The following COQ2 variants were observed in gnomAD, a reference collection of about 807,000 sequenced individuals.
COQ2 encodes coenzyme Q2, polyprenyltransferase.
In COQ2, 25 loss-of-function variants were observed where a neutral mutation model predicts 35.7. That is an observed-to-expected ratio of 0.70 (90% CI 0.51 to 0.98). COQ2 has a LOEUF of 0.98. COQ2 is among the 50% of genes least tolerant of loss of function. The pLI is 0.00. For synonymous variants in COQ2, 206 were observed against 186.2 expected (o/e 1.11, Z -0.86); for missense variants, 488 against 473.5 (o/e 1.03, Z -0.28).
At chr4:83,284,238 G>A (rs1169335873) in intron 1 of COQ2, 3 of 985,366 alleles carry the variant, frequency 3.0e-6, no homozygotes, top group East Asian at 1.1e-4. Flanking sequence ...ACGTGAAACT[G>A]GCGGGTCCTT....
At position 83,284,532 on chromosome 4, in the gene COQ2, A is replaced by T. The variant is rs531492140; in HGVS notation, c.233T>A (p.Met78Lys). Residue 78 changes from methionine (M) to lysine (K), a missense_variant, in exon 1 of 7, where the codon ATG (methionine) becomes AAG (lysine). Coordinates refer to ENST00000647002, the MANE Select transcript of COQ2 (RefSeq NM_001358921.2). The part of the protein sequence containing the change: ...PRPLQPYLRL[M>K]RLDKPIGTWL... ...CTCACCAATGGGCTTGTCCAACCGC[A>T]TGAGGCGCAAGTACGGCTGCAGGGG... 1 of 1,576,176 alleles carries T rather than the reference A, an allele frequency of 6.3e-7. No homozygotes were observed. The highest frequency in any genetic ancestry group is 8.6e-7 in the Non-Finnish European group (1 of 1,162,734).
intron 6 of COQ2, among the ~76,000 whole-genome samples, chr4:83,265,543 C>G (rs1268686314): frequency 6.6e-6 from 1 of 151,974 alleles, no homozygotes; most frequent in Admixed American, 6.5e-5. Context: ...CCACTTCACT[C>G]CAGCCTGGGT....
intron 1 of COQ2, among the ~76,000 whole-genome samples, chr4:83,281,115 T>C (rs1403110640): frequency 2.0e-5 from 3 of 152,170 alleles, no homozygotes; most frequent in African/African-American, 7.2e-5. Flanking sequence ...GTACTGTTAA[T>C]AACCCTATCT....
At chr4:83,272,917 G>A (rs1218035769) in intron 3 of COQ2, among the ~76,000 whole-genome samples, 1 of 152,260 alleles carries the variant, frequency 6.6e-6, no homozygotes, top group African/African-American at 2.4e-5. Flanking sequence ...GGCAAGGCAC[G>A]CAATTAAGTC....
chr4:83,284,413 T>C, intron 1 of COQ2, 99 bp downstream of exon 1: 1 of 1,438,898 alleles, frequency 6.9e-7, no homozygotes, highest in Non-Finnish European at 9.1e-7. Flanking sequence ...AGGTTCTCAT[T>C]TCCATCACGC....
At chr4:83,272,584 T>C (rs766362191) in intron 3 of COQ2, among the ~76,000 whole-genome samples, 25 of 152,224 alleles carry the variant, frequency 1.6e-4, no homozygotes, top group Non-Finnish European at 2.9e-4. Context: ...TAGCTAGTCA[T>C]AGAAGAGCCT....
intron 1 of COQ2, among the ~76,000 whole-genome samples, chr4:83,279,847 T>TA (rs747206085): frequency 1.4e-5 from 2 of 143,094 alleles, no homozygotes; most frequent in South Asian, 2.2e-4. Flanking sequence ...ACAATACACT[T>TA]AGACGGTCTA....
chr4:83,267,371 A>AAC (rs1734945008), intron 6 of COQ2, among the ~76,000 whole-genome samples: 2 of 151,980 alleles, frequency 1.3e-5, no homozygotes, highest in Admixed American at 1.3e-4. Flanking sequence ...GCTGGACAGC[A>AAC]CTGTTTCAAA....
In COQ2 at chr4:83,279,019, T is replaced by A; in HGVS notation, c.349A>T (p.Thr117Ser). Residue 117 changes from threonine to serine, a missense_variant, in exon 2 of 7, where the codon ACT (threonine) becomes TCT (serine). Coordinates refer to ENST00000647002, the MANE Select transcript of COQ2 (RefSeq NM_001358921.2). ...PDWYMLSLFG[T>S]GAILMRGAGC... Reference sequence around the variant, plus strand: ...GCTCCACGCATCAGAATAGCTCCAGTGCCAAAGAGGGAGAGCATGTACCAA... The same window carrying A: ...GCTCCACGCATCAGAATAGCTCCAGAGCCAAAGAGGGAGAGCATGTACCAA... The A allele has an allele frequency of 6.2e-7, 1 of 1,607,774 alleles. No homozygotes were observed. Among genetic ancestry groups the A allele is most frequent in the Non-Finnish European group, 8.5e-7 (1 of 1,176,904 alleles).
At chr4:83,270,117 G>A in intron 4 of COQ2, 124 bp from the exon 5 acceptor site, 2 of 1,045,856 alleles carry the variant, frequency 1.9e-6, no homozygotes, top group Non-Finnish European at 2.8e-6. Flanking sequence ...GCTGCTTTCT[G>A]TGGGTTCCTT....
chr4:83,277,901 G>A (rs746285248), intron 2 of COQ2, among the ~76,000 whole-genome samples: 3 of 151,692 alleles, frequency 2.0e-5, no homozygotes, highest in African/African-American at 7.3e-5. Flanking sequence ...CCTGGGAGGC[G>A]GAGGTTGCGG....
Position 83,273,599 on chromosome 4 carries a change from G to A in COQ2, c.439C>T (p.Arg147Cys), listed in dbSNP as rs765970358. The change falls in exon 3 of 7, where the codon CGT becomes TGT. Residue 147 changes from arginine to cysteine, a missense_variant. Transcript: ENST00000647002. ...GAAATGTCTCCAGCGGCTATTGGACGATTGGCTGTTCTTGTAACCTTAAAA... is the reference window on the plus strand; with the variant it reads ...GAAATGTCTCCAGCGGCTATTGGACAATTGGCTGTTCTTGTAACCTTAAAA... ...YDKKVTRTAN[R>C]PIAAGDISTF... 5.0e-6 allele frequency: 8 copies of A among 1,613,154 alleles called. No individual in the cohort carries two copies. The highest frequency in any genetic ancestry group is 3.3e-5 in the Admixed American group (2 of 59,890).
chr4:83,269,804 G>T, intron 5 of COQ2, 56 bp downstream of exon 5: 1 of 1,360,806 alleles, frequency 7.3e-7, no homozygotes, highest in Non-Finnish European at 9.8e-7. Context: ...TCCTTAATTT[G>T]GTTCTTTAAA....
Position 83,267,263 on chromosome 4 carries a change from G to T in COQ2, c.951+323C>A, listed in dbSNP as rs953763477. The T allele has an allele frequency of 2.9e-5, 13 of 442,394 alleles. No individual in the cohort carries two copies. The East Asian group carries it at 8.5e-4, about 29-fold the overall frequency. 27.4% of individuals were successfully genotyped at this position (442,394 alleles called of 1,614,324 possible). A position where few individuals can be genotyped will look rare whatever the true frequency, so the allele number is the denominator to read the frequency against. The stretch of plus-strand genomic sequence containing the variant: ...ATGGTGGTGCATGACTGTAGTCCCA[G>T]CTACCCAGGATGCTGAGGTGGGAGG... On this transcript the variant is annotated intron_variant, in intron 6 of 6. Transcript: ENST00000647002.
intron 5 of COQ2, among the ~76,000 whole-genome samples, chr4:83,268,801 G>A (rs1479981709): frequency 6.6e-6 from 1 of 152,184 alleles, no homozygotes; most frequent in Non-Finnish European, 1.5e-5. Context: ...GGCATAGGGG[G>A]TTTAGTGGAA....
intron 2 of COQ2, among the ~76,000 whole-genome samples, chr4:83,276,383 A>AAATTCCTTTTT (rs1358416622): frequency 3.9e-5 from 6 of 152,104 alleles, no homozygotes; most frequent in African/African-American, 1.2e-4. Flanking sequence ...TGCTATGCAG[A>AAATTCCTTTTT]AGCTTTTTAG....
At chr4:83,265,440 C>A (rs1003498051) in intron 6 of COQ2, among the ~76,000 whole-genome samples, 1 of 151,998 alleles carries the variant, frequency 6.6e-6, no homozygotes, top group Non-Finnish European at 1.5e-5. Flanking sequence ...GGCATGATGG[C>A]GTGTGCCTGT....
At chr4:83,269,049 A>G (rs1312342671) in intron 5 of COQ2, among the ~76,000 whole-genome samples, 1 of 152,194 alleles carries the variant, frequency 6.6e-6, no homozygotes, top group Non-Finnish European at 1.5e-5. Context: ...AGTTTTTAAA[A>G]TGGAATTTAT....
At chr4:83,275,998 TAGA>T (rs566554691) in intron 2 of COQ2, among the ~76,000 whole-genome samples, 1 of 101,240 alleles carries the variant, frequency 9.9e-6, no homozygotes, top group African/African-American at 3.2e-5. Flanking sequence ...TATTTTTATA[TAGA>T]ATATATATTA....
Sources: gnomAD v4.1 joint callset for allele counts (sites outside exome capture counted in the v4.1 genomes callset) on GRCh38, gnomAD v4.1.1 for gene constraint, MANE v1.5 for transcripts, NCBI Gene and HGNC (gene_info 2026-07-23, HGNC 2026-07-21) for gene names.